The following SPIRE1 variants were observed in gnomAD, a reference collection of about 807,000 sequenced individuals.
The protein encoded by SPIRE1 is spire type actin nucleation factor 1.
Under a neutral mutation model 94.1 loss-of-function variants are expected in SPIRE1, and 40 were observed. That is an observed-to-expected ratio of 0.43 (90% confidence interval 0.33 to 0.55). The LOEUF is 0.55. Among genes scored for constraint, SPIRE1 ranks in the 20% least tolerant of loss-of-function variants. The probability of loss-of-function intolerance (pLI) is 0.06; values close to 1 mark genes in which losing one functional copy is unlikely to be tolerated. For synonymous variants in SPIRE1, 376 were observed against 371.7 expected, an observed-to-expected ratio of 1.01 and a Z score of -0.13; for missense variants, 838 against 975.2, an observed-to-expected ratio of 0.86 and a Z score of 1.87.
At chr18:12,575,737 G>A (rs1282020202) in intron 2 of SPIRE1, among the ~76,000 whole-genome samples, 1 of 152,194 alleles carries the variant, frequency 6.6e-6, no homozygotes, top group Non-Finnish European at 1.5e-5. Flanking sequence ...TCCTAACACT[G>A]AAAACTATAC....
Position 12,630,199 on chromosome 18 carries a change from G to A in SPIRE1, c.372+4863C>T, listed in dbSNP as rs182686773. On this transcript the variant is annotated intron_variant, in intron 2 of 16. Transcript: ENST00000409402. ...ATTTCAATTCTATGACTTGATGAGGGTCCTAAAACCCCAGAGAGATAAAGA... is the reference window on the plus strand; with the variant it reads ...ATTTCAATTCTATGACTTGATGAGGATCCTAAAACCCCAGAGAGATAAAGA... Among the ~76,000 whole-genome samples the A allele has an allele frequency of 7.4e-4, 112 of 152,198 alleles. 1 individual carries two copies. In the East Asian group the frequency reaches 0.02, roughly 27 times the overall value.
At chr18:12,575,361 ATATT>A (rs532406517) in intron 2 of SPIRE1, among the ~76,000 whole-genome samples, 19 of 152,180 alleles carry the variant, frequency 1.2e-4, no homozygotes, top group Admixed American at 6.5e-4. Context: ...CTTCCCCTGA[ATATT>A]TATTTATTTA....
intron 3 of SPIRE1, among the ~76,000 whole-genome samples, chr18:12,537,988 TAGAA>T (rs2034891657): frequency 6.6e-6 from 1 of 151,950 alleles, no homozygotes; most frequent in African/African-American, 2.4e-5. Context: ...CTTTAAGAAA[TAGAA>T]AGACTGATCC....
Position 12,576,980 on chromosome 18 carries a change from T to G in SPIRE1, c.373-30076A>C, listed in dbSNP as rs77849606. ...TAAGGGTCAACAGGTAAACTGGGAA[T>G]CCATAGTCCCACACTTACATGATAA... is the stretch of plus-strand genomic sequence containing the variant. On this transcript the variant is annotated intron_variant, in intron 2 of 16. Coordinates refer to ENST00000409402, the MANE Select transcript of SPIRE1 (RefSeq NM_001128626.2). 9.7e-3 allele frequency among the ~76,000 whole-genome samples: 1,451 copies of G among 149,622 alleles called. 26 individuals carry two copies. The highest frequency in any genetic ancestry group is 0.034 in the African/African-American group (1,394 of 40,908).
rs945013679 is a variant in SPIRE1 at position 12,657,767 on chromosome 18, C to T, written c.100G>A (p.Gly34Arg). ...AGGCTCAGCGCGTCCCGGGAGCCCC[C>T]GGCCGCGCCGCCGGCTGCCCCGGGC... is the stretch of plus-strand genomic sequence containing the variant. ...REPGAAGGAA[G>R]GSRDALSLEE... Residue 34 changes from glycine to arginine, a missense_variant, in exon 1 of 17, where the codon GGG becomes AGG. Gly to Arg is a moderately radical substitution (Grantham distance 125). Transcript: ENST00000409402. 3.0e-6 allele frequency: 4 copies of T among 1,335,106 alleles called. No individual in the cohort carries two copies. The highest frequency in any genetic ancestry group is 2.9e-6 in the Non-Finnish European group (3 of 1,035,944). The allele number at this position is 1,335,106 out of a possible 1,614,324, so 82.7% of individuals were successfully genotyped here.
chr18:12,589,241 T>C (rs11080585), intron 2 of SPIRE1, among the ~76,000 whole-genome samples: 85,010 of 151,914 alleles, frequency 0.56, 24,967 homozygotes, highest in Middle Eastern at 0.76. Context: ...ACTAAGTAAG[T>C]AACAGAGCCA....
chr18:12,535,391 T>C (rs2034805120), intron 4 of SPIRE1, 85 bp downstream of exon 4: 3 of 1,406,648 alleles, frequency 2.1e-6, no homozygotes, highest in African/African-American at 2.8e-5. Flanking sequence ...GCGGACAATA[T>C]TGAAAATTTA....
chr18:12,501,867 T>C (rs1279570503), intron 6 of SPIRE1, among the ~76,000 whole-genome samples: 1 of 152,144 alleles, frequency 6.6e-6, no homozygotes, highest in African/African-American at 2.4e-5. Flanking sequence ...GAGGCTGAGA[T>C]GGGTGGATTG....
At chr18:12,464,837 G>C in intron 11 of SPIRE1, 31 bp downstream of exon 11, 1 of 1,573,278 alleles carries the variant, frequency 6.4e-7, no homozygotes, top group Non-Finnish European at 8.7e-7. Context: ...TAAGACATCC[G>C]ACTACAGCTC....
At chr18:12,513,560 G>T (rs185786827) in intron 4 of SPIRE1, among the ~76,000 whole-genome samples, 2 of 151,522 alleles carry the variant, frequency 1.3e-5, no homozygotes, top group Admixed American at 1.3e-4. Flanking sequence ...TTTTGCTCTT[G>T]TTGCCCAGGC....
chr18:12,580,847 C>T (rs746093670), intron 2 of SPIRE1, among the ~76,000 whole-genome samples: 21 of 152,182 alleles, frequency 1.4e-4, no homozygotes, highest in Admixed American at 2.6e-4. Flanking sequence ...GTTCGACAAA[C>T]GCTTTCTTCA....
intron 2 of SPIRE1, among the ~76,000 whole-genome samples, chr18:12,613,073 G>A (rs1451164186): frequency 6.6e-6 from 1 of 152,064 alleles, no homozygotes; most frequent in African/African-American, 2.4e-5. Flanking sequence ...ACACTTGAGG[G>A]CTGAGATTTT....
At chr18:12,621,654 T>C (rs1053289483) in intron 2 of SPIRE1, among the ~76,000 whole-genome samples, 2 of 152,168 alleles carry the variant, frequency 1.3e-5, no homozygotes, top group Non-Finnish European at 2.9e-5. Context: ...ATGTCCAGAA[T>C]AGGCAAATCT....
chr18:12,479,816 T>G lies in SPIRE1; in HGVS notation c.1287A>C (p.Gly429=), dbSNP rs376439857. ...TTTCTTTTGTTTGTGATGTCAAACC[T>G]CCATTCACCATAGATGACTCCACAA... The part of the protein sequence containing the change: ...KNLVESSMVN[G]GLTSQTKENG... Residue 429 remains glycine (G), a synonymous_variant, in exon 10 of 17, where the codon GGA becomes GGC. Transcript: ENST00000409402. 1 of 1,614,166 alleles carries G rather than the reference T, an allele frequency of 6.2e-7. No individual in the cohort carries two copies. The highest frequency in any genetic ancestry group is 8.5e-7 in the Non-Finnish European group (1 of 1,180,010).
intron 1 of SPIRE1, among the ~76,000 whole-genome samples, chr18:12,648,165 G>A (rs528415704): frequency 2.8e-4 from 43 of 152,254 alleles, no homozygotes; most frequent in South Asian, 1.0e-3. Flanking sequence ...AGATATTCAC[G>A]TCTCCAGGAG....
intron 2 of SPIRE1, among the ~76,000 whole-genome samples, chr18:12,628,514 AT>A (rs2037692590): frequency 6.6e-6 from 1 of 152,012 alleles, no homozygotes; most frequent in Admixed American, 6.6e-5. Context: ...TTTGCTTAGG[AT>A]TGTCTTGGGA....
At chr18:12,647,584 T>C (rs1161442471) in intron 1 of SPIRE1, among the ~76,000 whole-genome samples, 3 of 151,944 alleles carry the variant, frequency 2.0e-5, no homozygotes, top group Non-Finnish European at 4.4e-5. Flanking sequence ...ACCCTGTCTC[T>C]ACAAAAAAAT....
chr18:12,471,384 CTT>C (rs975751031), intron 10 of SPIRE1, among the ~76,000 whole-genome samples: 37 of 137,534 alleles, frequency 2.7e-4, no homozygotes, highest in Admixed American at 1.5e-4. Context: ...TGGTTTCTTT[CTT>C]TTTTTTTTTT....
Position 12,474,278 on chromosome 18 carries a change from G to C in SPIRE1, c.1404+5421C>G, listed in dbSNP as rs557553911. ...GAGTGGACAAAGAGGCTCATGCAAG[G>C]GGCAGCAGAGGCAGGTGGACTCCAC... On this transcript the variant is annotated intron_variant, in intron 10 of 16. Coordinates refer to ENST00000409402, the MANE Select transcript of SPIRE1 (RefSeq NM_001128626.2). 2.2e-4 allele frequency among the ~76,000 whole-genome samples: 33 copies of C among 152,310 alleles called. No homozygotes were observed. In the South Asian group the frequency reaches 4.4e-3, roughly 20 times the overall value.
Sources: allele counts gnomAD v4.1 joint callset (sites outside exome capture counted in the v4.1 genomes callset), GRCh38; gene constraint gnomAD v4.1.1; transcripts MANE v1.5; gene names NCBI Gene and HGNC (gene_info 2026-07-23, HGNC 2026-07-21).